SNURF: variants seen among roughly 807,000 people sequenced by gnomAD.
The protein encoded by SNURF is SNRPN upstream open reading frame.
SNURF carries 6 observed loss-of-function variants against 11.6 expected under a neutral mutation model. The ratio of observed to expected loss-of-function variants is 0.52; its 90% CI spans 0.28 to 1.02. The LOEUF is 1.02. Among genes scored for constraint, SNURF ranks in the 50% least tolerant of loss-of-function variants. The probability of loss-of-function intolerance (pLI) is 0.09; values close to 1 mark genes in which losing one functional copy is unlikely to be tolerated. For synonymous variants in SNURF, 29 were observed against 31.6 expected (o/e 0.92, Z 0.27); for missense variants, 84 against 88.4 (o/e 0.95, Z 0.20).
At chr15:24,975,588 C>T (rs540108263) in intron 4 of SNURF, 71 of 1,216,022 alleles carry the variant, frequency 5.8e-5, no homozygotes, top group Middle Eastern at 2.8e-4. Context: ...AAGGGATTTC[C>T]GAGGGTAACT....
At chr15:24,975,053 A>G (rs1359645296) in intron 3 of SNURF, 1 of 691,074 alleles carries the variant, frequency 1.4e-6, no homozygotes, top group Non-Finnish European at 2.6e-6. Flanking sequence ...AGAACACCCT[A>G]CATCATTGTG....
downstream of SNURF, chr15:24,978,028 T>A: frequency 8.1e-7 from 1 of 1,230,132 alleles, no homozygotes; most frequent in Non-Finnish European, 1.1e-6. Flanking sequence ...TTCCTTCTTC[T>A]AGATACTGGT....
chr15:24,964,243 G>A (rs1330724082), intron 2 of SNURF, among the ~76,000 whole-genome samples: 2 of 152,084 alleles, frequency 1.3e-5, no homozygotes, highest in East Asian at 3.9e-4. Context: ...AGTATTTTGT[G>A]TAATATAATT....
chr15:24,969,197 C>A (rs1316585238), downstream of SNURF, among the ~76,000 whole-genome samples: 1 of 152,062 alleles, frequency 6.6e-6, no homozygotes, highest in African/African-American at 2.4e-5. Flanking sequence ...GGTATGGTTT[C>A]GGCTCACTGC....
chr15:24,970,027 A>G (rs1175635245), downstream of SNURF, among the ~76,000 whole-genome samples: 2 of 152,244 alleles, frequency 1.3e-5, no homozygotes. Context: ...GATTGAAAGA[A>G]GAAAACACCA....
At chr15:24,973,924 A>T (rs2076765611) in intron 3 of SNURF, among the ~76,000 whole-genome samples, 1 of 152,252 alleles carries the variant, frequency 6.6e-6, no homozygotes. Flanking sequence ...GGTATTTCAG[A>T]AAAAAGGAAA....
downstream of SNURF, chr15:24,977,965 T>G (rs2077255882): frequency 6.7e-7 from 1 of 1,489,752 alleles, no homozygotes; most frequent in Non-Finnish European, 9.0e-7. Flanking sequence ...TGATGAGAGA[T>G]AGCTTACTGA....
chr15:24,968,026 A>G, exon 3 of SNURF: 16 of 1,614,076 alleles, frequency 9.9e-6, no homozygotes, highest in Admixed American at 1.7e-5. Context: ...TGAGACACCA[A>G]GAGGTGGTTA....
chr15:24,967,901 A>G, intron 2 of SNURF, 31 bp from the exon 3 acceptor site: 3 of 1,551,122 alleles, frequency 1.9e-6, no homozygotes, highest in South Asian at 1.1e-5. Flanking sequence ...ATGTATTTTT[A>G]TCATTTATAT....
downstream of SNURF, among the ~76,000 whole-genome samples, chr15:24,971,342 A>C (rs1005033502): frequency 6.6e-6 from 1 of 151,780 alleles, no homozygotes; most frequent in African/African-American, 2.4e-5. Flanking sequence ...AAATTTGACC[A>C]CTCTGCAGTG....
intron 3 of SNURF, among the ~76,000 whole-genome samples, chr15:24,974,059 G>T (rs1038595687): frequency 6.6e-6 from 1 of 152,124 alleles, no homozygotes; most frequent in South Asian, 2.1e-4. Flanking sequence ...GGAAAATGAC[G>T]CTTAGTTTTT....
Position 24,976,544 on chromosome 15 carries a change from A to G in SNURF, c.*309+128A>G, listed in dbSNP as rs1162162682. The stretch of plus-strand genomic sequence containing the variant: ...GTCAAATAAAATGTGCCAGGCACTT[A>G]ATATCAATTGTTGGTTGCCTATGCT... On this transcript the variant is annotated intron_variant and NMD_transcript_variant, in intron 5 of 6. Coordinates refer to the SNURF transcript ENST00000580062. 4.9e-5 allele frequency: 36 copies of G among 732,770 alleles called. 1 individual carries two copies. In the East Asian group the frequency reaches 9.7e-4, roughly 20 times the overall value. 45.4% of individuals were successfully genotyped at this position (732,770 alleles called of 1,614,324 possible).
intron 1 of SNURF, among the ~76,000 whole-genome samples, chr15:24,958,267 G>A (rs959797558): frequency 1.3e-5 from 2 of 151,830 alleles, no homozygotes; most frequent in East Asian, 1.9e-4. Context: ...GTTTATCAGC[G>A]CCCTCTGTTT....
chr15:24,959,426 A>G (rs933700268), intron 1 of SNURF, among the ~76,000 whole-genome samples: 1 of 152,166 alleles, frequency 6.6e-6, no homozygotes, highest in Non-Finnish European at 1.5e-5. Context: ...TGGGAGTTCA[A>G]GCTTGGGTAT....
At chr15:24,976,886 G>T (rs200334709) in exon 6 of SNURF, 15 of 1,608,038 alleles carry the variant, frequency 9.3e-6, no homozygotes, top group African/African-American at 1.3e-5. Context: ...GACTGGCATT[G>T]CTCGGGTACC....
downstream of SNURF, among the ~76,000 whole-genome samples, chr15:24,973,532 G>A (rs972761447): frequency 6.6e-6 from 1 of 151,958 alleles, no homozygotes; most frequent in African/African-American, 2.4e-5. Context: ...CAAGTAGCTG[G>A]GATTACAGGC....
At chr15:24,976,308 A>G in exon 5 of SNURF, 1 of 1,613,444 alleles carries the variant, frequency 6.2e-7, no homozygotes, top group African/African-American at 1.3e-5. Flanking sequence ...TTTGTAGGCC[A>G]AAGAATGCGA....
At chr15:24,962,252 C>T (rs773984800) in intron 2 of SNURF, 43 bp downstream of exon 2, 3 of 1,512,852 alleles carry the variant, frequency 2.0e-6, no homozygotes, top group African/African-American at 1.4e-5. Context: ...GTCAGAATCT[C>T]CTTTCAGATT....
At chr15:24,978,126 T>C, downstream of SNURF, 1 of 1,516,566 alleles carries the variant, frequency 6.6e-7, no homozygotes, top group East Asian at 2.3e-5. Flanking sequence ...TAGGGATTAT[T>C]TGGGCTAAAT....
Sources: gnomAD v4.1 joint callset for allele counts (sites outside exome capture counted in the v4.1 genomes callset) on GRCh38, gnomAD v4.1.1 for gene constraint, MANE v1.5 for transcripts, NCBI Gene and HGNC (gene_info 2026-07-23, HGNC 2026-07-21) for gene names.